The following ANKRD36 variants were observed in gnomAD, a reference collection of about 807,000 sequenced individuals.
ANKRD36 encodes the protein ankyrin repeat domain 36.
ANKRD36 carries 179 observed loss-of-function variants against 278.1 expected under a neutral mutation model. That is an observed-to-expected ratio of 0.64 (90% confidence interval 0.57 to 0.73). The LOEUF is 0.73. Among genes scored for constraint, ANKRD36 ranks in the 30% least tolerant of loss-of-function variants. The pLI is 0.00. For missense variants in ANKRD36, 1,159 were observed against 1,956.7 expected (o/e 0.59, Z 7.69); for synonymous variants, 320 against 641.1 (o/e 0.50, Z 7.57).
intron 6 of ANKRD36, among the ~76,000 whole-genome samples, chr2:97,130,458 A>AG (rs1432319087): frequency 4.1e-5 from 2 of 49,116 alleles, no homozygotes; most frequent in Non-Finnish European, 7.4e-5. Context: ...GGGTGGGGGG[A>AG]GGGGGGAGGG....
At chr2:97,144,038 T>G (rs1474417177) in intron 8 of ANKRD36, among the ~76,000 whole-genome samples, 3 of 152,154 alleles carry the variant, frequency 2.0e-5, no homozygotes, top group Non-Finnish European at 2.9e-5. Flanking sequence ...TACATTCAAC[T>G]AAAGTGCCAT....
intron 24 of ANKRD36, among the ~76,000 whole-genome samples, chr2:97,181,316 C>T (rs181487070): frequency 1.3e-5 from 2 of 151,636 alleles, no homozygotes; most frequent in Admixed American, 6.6e-5. Context: ...GTCCTCATCA[C>T]TCGGCATATC....
intron 22 of ANKRD36, among the ~76,000 whole-genome samples, chr2:97,171,579 A>C (rs2052529515): frequency 7.6e-6 from 1 of 131,214 alleles, no homozygotes; most frequent in Non-Finnish European, 1.6e-5. Flanking sequence ...GAGGGATAGC[A>C]TTGGGAGATA....
chr2:97,124,387 T>G, intron 4 of ANKRD36, 73 bp from the exon 5 acceptor site: 3 of 1,489,818 alleles, frequency 2.0e-6, no homozygotes, highest in South Asian at 2.7e-5. Context: ...GGCAACATAT[T>G]AAGTTGATAA....
intron 62 of ANKRD36, chr2:97,215,899 G>C (rs1261636609): frequency 2.1e-6 from 1 of 473,698 alleles, no homozygotes. Flanking sequence ...CTCAAAAACA[G>C]CATAGAATGA....
chr2:97,198,378 G>A (rs1488410822), intron 42 of ANKRD36, 85 bp from the exon 43 acceptor site: 1 of 1,546,062 alleles, frequency 6.5e-7, no homozygotes, highest in East Asian at 2.4e-5. Context: ...CAGGAGGACA[G>A]AGGTTGATGC....
chr2:97,172,763 A>AAATGGC (rs1300583429), intron 22 of ANKRD36, among the ~76,000 whole-genome samples: 3 of 151,936 alleles, frequency 2.0e-5, no homozygotes, highest in Non-Finnish European at 2.9e-5. Context: ...CCCAGATGTC[A>AAATGGC]AATGGCAAAT....
At chr2:97,227,120 G>C (rs553023689) in intron 67 of ANKRD36, among the ~76,000 whole-genome samples, 1 of 152,172 alleles carries the variant, frequency 6.6e-6, no homozygotes, top group South Asian at 2.1e-4. Flanking sequence ...CTCTTTTTTG[G>C]TTCCATATGA....
chr2:97,136,961 A>G (rs1483614269), intron 6 of ANKRD36, among the ~76,000 whole-genome samples: 3 of 152,096 alleles, frequency 2.0e-5, no homozygotes, highest in African/African-American at 7.2e-5. Flanking sequence ...TGCTAAGCAC[A>G]TAAGAAAGGA....
intron 22 of ANKRD36, among the ~76,000 whole-genome samples, chr2:97,177,667 A>G (rs1246296261): frequency 6.6e-6 from 1 of 151,966 alleles, no homozygotes; most frequent in Non-Finnish European, 1.5e-5. Context: ...ACCTTATACA[A>G]AAATCAATTC....
intron 46 of ANKRD36, among the ~76,000 whole-genome samples, chr2:97,201,579 A>G (rs1330743212): frequency 6.6e-6 from 1 of 151,958 alleles, no homozygotes; most frequent in African/African-American, 2.4e-5. Context: ...AGTCTAAACT[A>G]GTGGATACAA....
At chr2:97,231,498 G>T (rs541625299) in intron 67 of ANKRD36, among the ~76,000 whole-genome samples, 34 of 152,266 alleles carry the variant, frequency 2.2e-4, no homozygotes, top group South Asian at 4.2e-4. Context: ...AAGTGCAGTA[G>T]TAGGGTGGGA....
At chr2:97,134,485 G>A (rs1300567631) in intron 6 of ANKRD36, among the ~76,000 whole-genome samples, 1 of 151,980 alleles carries the variant, frequency 6.6e-6, no homozygotes, top group African/African-American at 2.4e-5. Context: ...TATTTACCTT[G>A]CAGTTGGAAA....
chr2:97,170,033 G>A (rs1315707456), intron 22 of ANKRD36, among the ~76,000 whole-genome samples: 3 of 151,918 alleles, frequency 2.0e-5, no homozygotes, highest in Non-Finnish European at 4.4e-5. Context: ...TACACTACAA[G>A]GCTATAGTAA....
At chr2:97,136,087 C>T (rs1430173700) in intron 6 of ANKRD36, among the ~76,000 whole-genome samples, 1 of 151,114 alleles carries the variant, frequency 6.6e-6, no homozygotes, top group African/African-American at 2.4e-5. Flanking sequence ...AGGGTTGGGA[C>T]TTCCAGCCCC....
chr2:97,227,226 A>G (rs1367061575), intron 67 of ANKRD36, among the ~76,000 whole-genome samples: 2 of 152,106 alleles, frequency 1.3e-5, no homozygotes, highest in African/African-American at 2.4e-5. Flanking sequence ...CAGTATGGCC[A>G]TTTTAACCAT....
At chr2:97,218,004 A>T (rs2066419937) in intron 64 of ANKRD36, among the ~76,000 whole-genome samples, 1 of 152,108 alleles carries the variant, frequency 6.6e-6, no homozygotes, top group African/African-American at 2.4e-5. Flanking sequence ...ATCAGGAAGG[A>T]GTGCTAGAAT....
chr2:97,185,854 G>A (rs1459614464), intron 30 of ANKRD36, among the ~76,000 whole-genome samples: 1 of 151,780 alleles, frequency 6.6e-6, no homozygotes, highest in Non-Finnish European at 1.5e-5. Context: ...AGATTTTACA[G>A]ACGTCACATC....
chr2:97,127,522 A>G (rs1355461417), intron 6 of ANKRD36, among the ~76,000 whole-genome samples: 1 of 151,928 alleles, frequency 6.6e-6, no homozygotes, highest in East Asian at 1.9e-4. Context: ...ATGAATCAAT[A>G]ATTACAGTTG....
Sources: allele counts gnomAD v4.1 joint callset (sites outside exome capture counted in the v4.1 genomes callset), GRCh38; gene constraint gnomAD v4.1.1; transcripts MANE v1.5; gene names NCBI Gene and HGNC (gene_info 2026-07-23, HGNC 2026-07-21).